Variants in SYNE1 observed in about 807,000 individuals in gnomAD.
SYNE1 encodes spectrin repeat containing nuclear envelope protein 1.
Under a neutral mutation model 1,111.0 loss-of-function variants are expected in SYNE1, and 616 were observed. The observed-to-expected ratio is 0.55, with a 90% CI of 0.52 to 0.59. The LOEUF (loss-of-function observed/expected upper bound fraction) is 0.59, where lower values mean the gene tolerates loss of function less well. SYNE1 is among the 20% of genes least tolerant of loss of function. The pLI is 0.00. For synonymous variants in SYNE1, 3,855 were observed against 3,825.8 expected, an observed-to-expected ratio of 1.01 and a Z score of -0.28; for missense variants, 10,006 against 10,417.0, an observed-to-expected ratio of 0.96 and a Z score of 1.72.
chr6:152,388,908 C>T (rs916738792), intron 53 of SYNE1, among the ~76,000 whole-genome samples: 1 of 152,218 alleles, frequency 6.6e-6, no homozygotes, highest in African/African-American at 2.4e-5. Context: ...TAAGCCAAGC[C>T]TCTGGAAGCT....
At chr6:152,456,849 G>T (rs1051204834) in intron 22 of SYNE1, 1 of 323,968 alleles carries the variant, frequency 3.1e-6, no homozygotes, top group Non-Finnish European at 6.3e-6. Flanking sequence ...TGCCATTTTT[G>T]GATATCCAGA....
intron 13 of SYNE1, 136 bp from the exon 14 acceptor site, chr6:152,483,385 G>T: frequency 1.3e-6 from 1 of 799,390 alleles, no homozygotes; most frequent in Non-Finnish European, 2.0e-6. Flanking sequence ...TATCAAATAA[G>T]CAAATGTCTG....
chr6:152,592,944 G>A (rs2099571136), intron 3 of SYNE1, among the ~76,000 whole-genome samples: 1 of 152,094 alleles, frequency 6.6e-6, no homozygotes, highest in Admixed American at 6.5e-5. Flanking sequence ...GCCTGGCTGG[G>A]GCAGTTCCCA....
At chr6:152,545,367 G>T (rs536483815) in intron 3 of SYNE1, among the ~76,000 whole-genome samples, 1 of 152,058 alleles carries the variant, frequency 6.6e-6, no homozygotes, top group South Asian at 2.1e-4. Context: ...ATCACTTGAG[G>T]TCAAGAGTTT....
chr6:152,540,609 C>T (rs2099264750), intron 3 of SYNE1, among the ~76,000 whole-genome samples: 1 of 152,170 alleles, frequency 6.6e-6, no homozygotes, highest in Admixed American at 6.5e-5. Flanking sequence ...GTGGGTAGAA[C>T]CTGTGATTTG....
chr6:152,548,262 A>T (rs1390394403), intron 3 of SYNE1, among the ~76,000 whole-genome samples: 2 of 152,252 alleles, frequency 1.3e-5, no homozygotes, highest in Non-Finnish European at 2.9e-5. Flanking sequence ...AGGAGACTGG[A>T]ACCACAACTT....
chr6:152,394,390 T>C lies in SYNE1; in HGVS notation c.7712+1126A>G, dbSNP rs117903578. Among the ~76,000 whole-genome samples the C allele has an allele frequency of 3.0e-3, 455 of 151,822 alleles. 1 individual carries two copies. The highest frequency in any genetic ancestry group is 4.6e-3 in the Non-Finnish European group (311 of 67,806). On this transcript the variant is annotated intron_variant, in intron 51 of 145. Coordinates refer to ENST00000367255, the MANE Select transcript of SYNE1 (RefSeq NM_182961.4). The stretch of plus-strand genomic sequence containing the variant: ...TATCCTCTTCTGCTTCTTATGTAGA[T>C]GCACTGGCTCTTTAAGAGGACAGGT...
chr6:152,135,915 C>T (rs571632391), intron 141 of SYNE1, among the ~76,000 whole-genome samples: 7 of 152,096 alleles, frequency 4.6e-5, no homozygotes, highest in Non-Finnish European at 8.8e-5. Flanking sequence ...CTCAGCTCAC[C>T]GACTACACTC....
Position 152,387,361 on chromosome 6 carries a change from C to T in SYNE1, c.8198G>A (p.Ser2733Asn), listed in dbSNP as rs753781977. 1 of 1,614,106 alleles carries T rather than the reference C, an allele frequency of 6.2e-7. No individual in the cohort carries two copies. The highest frequency in any genetic ancestry group is 1.1e-5 in the South Asian group (1 of 91,086). Residue 2733 changes from serine (S) to asparagine (N), a missense_variant, in exon 54 of 146, where the codon AGC becomes AAC. This residue lies in a region of SYNE1 where 4,955 missense variants were observed against 5,017.2 expected (regional missense o/e 0.99). Transcript: ENST00000367255. ...HAQSTLESVISQWNDYVERKN... is the reference protein window; with the variant it reads ...HAQSTLESVINQWNDYVERKN... ...CCTCTCTACATAGTCATTCCATTGG[C>T]TAATCACAGACTCTAAAGTGCTAGA... is the stretch of plus-strand genomic sequence containing the variant.
chr6:152,541,728 T>C (rs2099270981), intron 3 of SYNE1, among the ~76,000 whole-genome samples: 1 of 127,660 alleles, frequency 7.8e-6, no homozygotes. Context: ...AGCCTGGGCG[T>C]CAGAGTGAGA....
intron 123 of SYNE1, among the ~76,000 whole-genome samples, chr6:152,212,794 G>A (rs1024194261): frequency 2.6e-5 from 4 of 152,096 alleles, no homozygotes; most frequent in Non-Finnish European, 5.9e-5. Flanking sequence ...ACCAAAATTT[G>A]TTATTTTTTC....
intron 3 of SYNE1, among the ~76,000 whole-genome samples, chr6:152,569,647 G>A (rs549774602): frequency 1.3e-5 from 2 of 152,244 alleles, no homozygotes; most frequent in Non-Finnish European, 2.9e-5. Flanking sequence ...ATGATGAGAA[G>A]AAATGGAGGA....
intron 138 of SYNE1, among the ~76,000 whole-genome samples, chr6:152,141,966 G>C (rs1000330109): frequency 6.6e-6 from 1 of 151,996 alleles, no homozygotes; most frequent in Non-Finnish European, 1.5e-5. Flanking sequence ...AGCTGTTCAG[G>C]GCACTAAGGT....
chr6:152,488,467 A>G lies in SYNE1; in HGVS notation c.976T>C (p.Trp326Arg), dbSNP rs146668256. Residue 326 changes from tryptophan (W) to arginine (R), a missense_variant, in exon 12 of 146, where the codon TGG becomes CGG. Physicochemically the swap from Trp to Arg is moderately radical, Grantham distance 101. This residue lies in a region of SYNE1 where 1,971 missense variants were observed against 2,084.1 expected (regional missense o/e 0.95). Coordinates refer to ENST00000367255, the MANE Select transcript of SYNE1 (RefSeq NM_182961.4). Reference protein sequence around the residue: ...DRVIFKEMKVWIEQFERDLTR... With the variant: ...DRVIFKEMKVRIEQFERDLTR... The stretch of plus-strand genomic sequence containing the variant: ...AAATCTCTCTCAAATTGTTCTATCC[A>G]AACTTTCATTTCCTTAAAAATTACT... The G allele has an allele frequency of 6.7e-5, 108 of 1,607,822 alleles. 1 individual carries two copies. The African/African-American group carries it at 1.2e-3, about 18-fold the overall frequency.
rs922713521 is a variant in SYNE1, at chr6:152,428,285, T to C, written c.4896A>G (p.Leu1632=). Reference sequence around the variant, plus strand: ...TTAGGATGTCCTCGTATTGCTGCTGTAGAGCCGCAGCCTCCTGAACACAGG... The same window carrying C: ...TTAGGATGTCCTCGTATTGCTGCTGCAGAGCCGCAGCCTCCTGAACACAGG... The part of the protein sequence containing the change: ...RDSCVQEAAA[L]QQQYEDILRR... The change falls in exon 37 of 146, where the codon CTA becomes CTG. Residue 1632 remains leucine (L), a synonymous_variant. Coordinates refer to ENST00000367255, the MANE Select transcript of SYNE1 (RefSeq NM_182961.4). 20 of 1,614,040 alleles carry C rather than the reference T, an allele frequency of 1.2e-5. No individual in the cohort carries two copies. Among genetic ancestry groups the C allele is most frequent in the Non-Finnish European group, 1.4e-5 (17 of 1,180,036 alleles).
chr6:152,385,782 C>G lies in SYNE1; in HGVS notation c.8544G>C (p.Ala2848=). Residue 2848 remains alanine, a synonymous_variant, in exon 55 of 146, where the codon GCG becomes GCC. Coordinates refer to ENST00000367255, the MANE Select transcript of SYNE1 (RefSeq NM_182961.4). ...IVKDHLMYLD[A]VHEFTDWLHS... The stretch of plus-strand genomic sequence containing the variant: ...GGAGCCAATCTGTGAACTCGTGGAC[C>G]GCATCTAAATACATTAGATGATCTT... The G allele has an allele frequency of 6.2e-7, 1 of 1,613,998 alleles. No homozygotes were observed.
chr6:152,312,255 G>A (rs1482576047), intron 87 of SYNE1, among the ~76,000 whole-genome samples: 2 of 147,976 alleles, frequency 1.4e-5, no homozygotes, highest in African/African-American at 5.0e-5. Context: ...TGTTGCCCAG[G>A]CTGGAGTGCA....
chr6:152,535,321 A>C (rs2154362665), intron 4 of SYNE1, among the ~76,000 whole-genome samples: 1 of 152,356 alleles, frequency 6.6e-6, no homozygotes, highest in African/African-American at 2.4e-5. Context: ...AGGGAACCTA[A>C]ATAATGTTTT....
chr6:152,377,608 T>TAAA (rs869031827), intron 56 of SYNE1, among the ~76,000 whole-genome samples: 24 of 31,342 alleles, frequency 7.7e-4, no homozygotes, highest in South Asian at 2.3e-3. Context: ...AACTCCGTCT[T>TAAA]AAAAAAAAAA....
Sources: gnomAD v4.1 joint callset for allele counts (sites outside exome capture counted in the v4.1 genomes callset) on GRCh38, gnomAD v4.1.1 for gene constraint, gnomAD v4.1.1 regional missense constraint, MANE v1.5 for transcripts, NCBI Gene and HGNC (gene_info 2026-07-23, HGNC 2026-07-21) for gene names.